Variants in QTGAL observed in about 807,000 individuals in gnomAD.
QTGAL encodes the protein queuosine-tRNA galactosyltransferase.
chr17:83,016,681 T>C, the QTGAL span, among the ~76,000 whole-genome samples: 1 of 47,918 alleles, frequency 2.1e-5, no homozygotes, highest in Non-Finnish European at 4.1e-5. Flanking sequence ...GAAGTGGGGG[T>C]TGGGGAGAGA....
At chr17:82,958,848 C>CTGTG in the QTGAL span, among the ~76,000 whole-genome samples, 4,413 of 66,256 alleles carry the variant, frequency 0.067, 217 homozygotes, top group Middle Eastern at 0.14. Context: ...TGTGTGTACA[C>CTGTG]TGGGGGTGTA....
chr17:82,944,058 G>A, the QTGAL span: 1 of 152,264 alleles, frequency 6.6e-6, no homozygotes, highest in Non-Finnish European at 1.5e-5. Context: ...CACTGAGGAT[G>A]GAAGGAACAA....
the QTGAL span, among the ~76,000 whole-genome samples, chr17:83,028,004 C>T: frequency 1.3e-5 from 2 of 152,076 alleles, no homozygotes; most frequent in East Asian, 1.9e-4. Context: ...GTCCCAGCTA[C>T]TCAGGAGGCT....
chr17:83,000,370 C>T, the QTGAL span, among the ~76,000 whole-genome samples: 5 of 152,188 alleles, frequency 3.3e-5, no homozygotes, highest in South Asian at 2.1e-4. Flanking sequence ...CCTGAGCTCG[C>T]GGCTGTGCCG....
At chr17:83,034,680 G>A in the QTGAL span, among the ~76,000 whole-genome samples, 5,627 of 152,264 alleles carry the variant, frequency 0.037, 157 homozygotes, top group African/African-American at 0.076. Flanking sequence ...CTGAATCACG[G>A]GGGCGGGCAT....
At chr17:83,005,953 G>T in the QTGAL span, 4 of 1,197,714 alleles carry the variant, frequency 3.3e-6, no homozygotes, top group African/African-American at 3.1e-5. The surrounding 1 kb of genome is among the most constrained non-coding windows in gnomAD (Gnocchi z 5.6). Context: ...AGAGGTAGGA[G>T]GGCAGGTCCT....
At chr17:82,950,209 C>T in the QTGAL span, among the ~76,000 whole-genome samples, 3 of 152,168 alleles carry the variant, frequency 2.0e-5, no homozygotes, top group South Asian at 2.1e-4. Flanking sequence ...AAGGACACAG[C>T]GTGTGCAGGA....
At chr17:82,991,747 G>A in the QTGAL span, among the ~76,000 whole-genome samples, 1 of 152,184 alleles carries the variant, frequency 6.6e-6, no homozygotes, top group Non-Finnish European at 1.5e-5. Flanking sequence ...TGGAGAAACA[G>A]AGATATGTGA....
At chr17:82,951,184 T>C in the QTGAL span, among the ~76,000 whole-genome samples, 218 of 152,344 alleles carry the variant, frequency 1.4e-3, 1 homozygote, top group East Asian at 0.039. Flanking sequence ...TCCCTACCTA[T>C]GAAAGGCCTG....
the QTGAL span, among the ~76,000 whole-genome samples, chr17:82,964,895 C>T: frequency 9.9e-5 from 10 of 101,136 alleles, 1 homozygote; most frequent in South Asian, 3.6e-4. Context: ...GTGACACGGA[C>T]GCCTGCAGGT....
the QTGAL span, among the ~76,000 whole-genome samples, chr17:82,959,740 G>A: frequency 1.3e-5 from 2 of 152,008 alleles, no homozygotes; most frequent in Non-Finnish European, 2.9e-5. Context: ...AGGTTTGGGG[G>A]GCCTCTGACA....
chr17:82,981,076 T>C, the QTGAL span: 2 of 152,242 alleles, frequency 1.3e-5, no homozygotes, highest in Admixed American at 1.3e-4. Context: ...AAAGGCTCAA[T>C]ACTTTAAAAG....
chr17:82,988,692 G>A, the QTGAL span, among the ~76,000 whole-genome samples: 6 of 152,256 alleles, frequency 3.9e-5, no homozygotes, highest in Admixed American at 3.9e-4. Context: ...AGTGGGCAAA[G>A]GACATGAACA....
chr17:82,998,439 G>A, the QTGAL span, among the ~76,000 whole-genome samples: 7 of 152,104 alleles, frequency 4.6e-5, no homozygotes, highest in Non-Finnish European at 5.9e-5. Flanking sequence ...TCTGCCTCCC[G>A]GGTTCATGCC....
the QTGAL span, among the ~76,000 whole-genome samples, chr17:82,971,009 G>T: frequency 1.3e-5 from 2 of 152,150 alleles, no homozygotes; most frequent in African/African-American, 4.8e-5. Context: ...TCCACAGGTC[G>T]GCGTCGTGGG....
At chr17:82,982,951 G>A in the QTGAL span, among the ~76,000 whole-genome samples, 1 of 152,122 alleles carries the variant, frequency 6.6e-6, no homozygotes, top group Non-Finnish European at 1.5e-5. Context: ...GGAGGAGATG[G>A]GGGGTACATA....
At chr17:83,024,990 G>A in the QTGAL span, among the ~76,000 whole-genome samples, 1 of 152,250 alleles carries the variant, frequency 6.6e-6, no homozygotes, top group South Asian at 2.1e-4. Context: ...CCCCAAGGTC[G>A]TGGGACCTAG....
chr17:83,021,334 T>C, the QTGAL span, among the ~76,000 whole-genome samples: 1 of 96,404 alleles, frequency 1.0e-5, no homozygotes, highest in Non-Finnish European at 2.5e-5. Context: ...TTGTAAAGAA[T>C]ATGCAAAAAA....
the QTGAL span, among the ~76,000 whole-genome samples, chr17:83,009,657 G>A: frequency 2.6e-5 from 4 of 152,160 alleles, no homozygotes; most frequent in Non-Finnish European, 2.9e-5. Flanking sequence ...GATGGGCAGC[G>A]CAGGAGGGTC....
Sources: allele counts gnomAD v4.1 joint callset (sites outside exome capture counted in the v4.1 genomes callset), GRCh38; gene constraint gnomAD v4.1.1; non-coding constraint Gnocchi (gnomAD v3.1); transcripts MANE v1.5; gene names NCBI Gene and HGNC (gene_info 2026-07-23, HGNC 2026-07-21).